Variants in TRMT6 observed in about 807,000 individuals in gnomAD.
The protein encoded by TRMT6 is tRNA methyltransferase 6 non-catalytic subunit.
A neutral mutation model predicts 59.0 loss-of-function variants in TRMT6; 34 were observed. That is an observed-to-expected ratio of 0.58 (90% CI 0.44 to 0.77). The LOEUF (loss-of-function observed/expected upper bound fraction) is 0.77. Ranked by LOEUF, TRMT6 falls within the 30% of genes least tolerant of loss-of-function variation. The pLI, the probability that TRMT6 is intolerant of heterozygous loss-of-function variation, is 0.00. For missense variants in TRMT6, 575 were observed against 604.5 expected (o/e 0.95, Z 0.51); for synonymous variants, 217 against 210.5 (o/e 1.03, Z -0.27).
chr20:5,941,926 C>G (rs1568558104), intron 8 of TRMT6, 25 bp downstream of exon 8: 2 of 1,600,846 alleles, frequency 1.2e-6, no homozygotes, highest in South Asian at 2.2e-5. Context: ...ACTGAGGAGT[C>G]TCCTGCCTTC....
chr20:5,938,503 G>A lies in TRMT6; in HGVS notation c.*32C>T. ...TTTAATTACTAACTGTATAATGCCT[G>A]AGAACAAAATTCAGAGCAATTCTCA... On this transcript the variant is annotated 3_prime_UTR_variant, in exon 11 of 11. Coordinates refer to ENST00000203001, the MANE Select transcript of TRMT6 (RefSeq NM_015939.5). The A allele has an allele frequency of 1.9e-6, 3 of 1,594,828 alleles. No homozygotes were observed. Among genetic ancestry groups the A allele is most frequent in the Non-Finnish European group, 2.6e-6 (3 of 1,169,298 alleles).
chr20:5,945,312 T>C (rs1214365682), intron 2 of TRMT6, among the ~76,000 whole-genome samples: 1 of 152,248 alleles, frequency 6.6e-6, no homozygotes, highest in Admixed American at 6.5e-5. Context: ...ACAATGGCCT[T>C]CTTTCTGTTC....
chr20:5,941,146 A>G lies in TRMT6; in HGVS notation c.1216-7T>C. ...TGTAGCATTCCAACAGAGGCTGCAG[A>G]CAACAACAGAATTCTGTTAAGAACT... On this transcript the variant is annotated splice_polypyrimidine_tract_variant and splice_region_variant and intron_variant, in intron 9 of 10. Transcript: ENST00000203001. 6.2e-7 allele frequency: 1 copy of G among 1,613,728 alleles called. No individual in the cohort carries two copies. Among genetic ancestry groups the G allele is most frequent in the Non-Finnish European group, 8.5e-7 (1 of 1,179,590 alleles).
chr20:5,941,591 AT>A (rs202116636), intron 8 of TRMT6: 25 of 549,470 alleles, frequency 4.5e-5, no homozygotes, highest in African/African-American at 1.7e-4. Context: ...GACATTCTTG[AT>A]TTTTTAAAAA....
In TRMT6 at chr20:5,946,706, A is replaced by C. The variant is rs565579929; in HGVS notation, c.129-173T>G. Among the ~76,000 whole-genome samples the C allele has an allele frequency of 5.9e-5, 9 of 152,308 alleles. No individual in the cohort carries two copies. The East Asian group carries it at 1.5e-3, about 26-fold the overall frequency. On this transcript the variant is annotated intron_variant, in intron 1 of 10. Transcript: ENST00000203001. ...AGAACCTGGTTGGGATAGAGACGTA[A>C]AATTAATGAATAAGCCACAAGAACA...
At chr20:5,940,155 C>T (rs73596145) in intron 10 of TRMT6, among the ~76,000 whole-genome samples, 7,108 of 152,312 alleles carry the variant, frequency 0.047, 306 homozygotes, top group South Asian at 0.12. Flanking sequence ...GCTCTTCCTA[C>T]CATCCTCCTT....
At chr20:5,946,904 A>G (rs1172917858) in intron 1 of TRMT6, among the ~76,000 whole-genome samples, 2 of 152,238 alleles carry the variant, frequency 1.3e-5, no homozygotes, top group Admixed American at 6.5e-5. Flanking sequence ...AACACTGACA[A>G]TGCTCTACTG....
chr20:5,942,307 T>C, intron 7 of TRMT6, 121 bp downstream of exon 7: 2 of 924,438 alleles, frequency 2.2e-6, no homozygotes, highest in Non-Finnish European at 3.5e-6. Context: ...ACTCGTTCTC[T>C]GTTTTGATAG....
chr20:5,938,842 G>T, intron 10 of TRMT6, 116 bp from the exon 11 acceptor site: 2 of 920,018 alleles, frequency 2.2e-6, no homozygotes, highest in Admixed American at 3.1e-5. Flanking sequence ...GATTTAAATG[G>T]ACATTTTTTT....
chr20:5,942,422 C>T lies in TRMT6; in HGVS notation c.1026+6G>A, dbSNP rs751236441. The T allele has an allele frequency of 6.2e-7, 1 of 1,611,362 alleles. No homozygotes were observed. ...TGGGGGTGGTGGGGACTCTTGGCATCCTTACATAATCTTTTTTGCTTCCTC... is the reference window on the plus strand; with the variant it reads ...TGGGGGTGGTGGGGACTCTTGGCATTCTTACATAATCTTTTTTGCTTCCTC... On this transcript the variant is annotated splice_donor_region_variant and intron_variant, in intron 7 of 10. Coordinates refer to ENST00000203001, the MANE Select transcript of TRMT6 (RefSeq NM_015939.5).
chr20:5,949,559 T>TGAG (rs1282326522), intron 1 of TRMT6, among the ~76,000 whole-genome samples: 3 of 152,220 alleles, frequency 2.0e-5, no homozygotes, highest in African/African-American at 7.2e-5. Flanking sequence ...TTTGGAGTTC[T>TGAG]GAGGCCTTGA....
At chr20:5,942,349 A>G (rs557240403) in intron 7 of TRMT6, 79 bp downstream of exon 7, 2 of 1,323,554 alleles carry the variant, frequency 1.5e-6, no homozygotes, top group Admixed American at 3.4e-5. Context: ...CACCAAAGCC[A>G]AACTAAATCT....
At position 5,942,745 on chromosome 20, in the gene TRMT6, C is replaced by A. The variant is rs1256854845; in HGVS notation, c.709G>T (p.Val237Phe). ...IIQLYPGGGPVRAATACFGFP... is the reference protein window; with the variant it reads ...IIQLYPGGGPFRAATACFGFP... ...CCAAAACATGCTGTTGCTGCCCGAA[C>A]AGGTCCTCCTCCAGGGTATAGCTGA... The change falls in exon 7 of 11, where the codon GTT becomes TTT. Residue 237 changes from valine to phenylalanine, a missense_variant. Val to Phe is a conservative substitution (Grantham distance 50, BLOSUM62 -1). Coordinates refer to ENST00000203001, the MANE Select transcript of TRMT6 (RefSeq NM_015939.5). The A allele has an allele frequency of 6.2e-7, 1 of 1,614,026 alleles. No homozygotes were observed. Among genetic ancestry groups the A allele is most frequent in the African/African-American group, 1.3e-5 (1 of 75,000 alleles).
intron 10 of TRMT6, among the ~76,000 whole-genome samples, chr20:5,939,661 T>C (rs921352903): frequency 6.6e-6 from 1 of 152,086 alleles, no homozygotes; most frequent in African/African-American, 2.4e-5. Context: ...TGGCCAATAA[T>C]GGAGCTTGGG....
At chr20:5,942,347 C>T (rs535447717) in intron 7 of TRMT6, 81 bp downstream of exon 7, 2 of 1,301,930 alleles carry the variant, frequency 1.5e-6, no homozygotes, top group South Asian at 1.2e-5. Flanking sequence ...TACACCAAAG[C>T]CAAACTAAAT....
intron 5 of TRMT6, 97 bp downstream of exon 5, chr20:5,943,851 T>C (rs2088681172): frequency 3.3e-6 from 5 of 1,530,124 alleles, no homozygotes; most frequent in African/African-American, 1.4e-5. Context: ...GAGGATACTT[T>C]ATGCAGGTGA....
In TRMT6 at chr20:5,941,360, C is replaced by A. The variant is rs1011250518; in HGVS notation, c.1113-15G>T. ...CTACAATTAAACTGTAAGGAAAATGCCAGACAAATTATTTCTCTACACCCT... is the reference window on the plus strand; with the variant it reads ...CTACAATTAAACTGTAAGGAAAATGACAGACAAATTATTTCTCTACACCCT... On this transcript the variant is annotated splice_polypyrimidine_tract_variant and intron_variant, in intron 8 of 10. Transcript: ENST00000203001. 4.4e-6 allele frequency: 7 copies of A among 1,590,352 alleles called. No individual in the cohort carries two copies. The highest frequency in any genetic ancestry group is 1.3e-5 in the African/African-American group (1 of 74,366).
chr20:5,943,738 AATC>A (rs1311707066), intron 5 of TRMT6, 55 bp from the exon 6 acceptor site: 3 of 1,573,926 alleles, frequency 1.9e-6, no homozygotes, highest in Non-Finnish European at 2.6e-6. Context: ...CTATTATTTT[AATC>A]ATCATTTTTC....
intron 1 of TRMT6, among the ~76,000 whole-genome samples, chr20:5,948,026 T>C (rs236185): frequency 0.99 from 150,397 of 152,310 alleles, 74,257 homozygotes; most frequent in East Asian, 1. Context: ...GAGGCTGAGG[T>C]GGAAGATTGC....
Sources: allele counts gnomAD v4.1 joint callset (sites outside exome capture counted in the v4.1 genomes callset), GRCh38; gene constraint gnomAD v4.1.1; transcripts MANE v1.5; gene names NCBI Gene and HGNC (gene_info 2026-07-23, HGNC 2026-07-21).